Variants in SCAI observed in about 807,000 individuals in gnomAD.
The protein encoded by SCAI is suppressor of cancer cell invasion, also known as protein SCAI.
In SCAI, 24 loss-of-function variants were observed where a neutral mutation model predicts 92.2. The ratio of observed to expected loss-of-function variants is 0.26; its 90% CI spans 0.19 to 0.37. SCAI has a LOEUF of 0.37. SCAI is among the 10% of genes least tolerant of loss of function. The pLI is 1.00. For synonymous variants in SCAI, 261 were observed against 258.6 expected (o/e 1.01, Z -0.09); for missense variants, 450 against 736.2 (o/e 0.61, Z 4.50).
At chr9:125,035,708 C>T (rs1833180723) in intron 3 of SCAI, among the ~76,000 whole-genome samples, 1 of 152,196 alleles carries the variant, frequency 6.6e-6, no homozygotes, top group Non-Finnish European at 1.5e-5. Context: ...ATAATACTAT[C>T]ATCTATGATC....
chr9:124,968,985 A>C (rs1588122865), intron 17 of SCAI: 1 of 363,126 alleles, frequency 2.8e-6, no homozygotes, highest in Non-Finnish European at 5.1e-6. Flanking sequence ...GGAACTGCAC[A>C]GTTGGCCCAT....
chr9:125,018,080 A>G (rs1033076003), intron 9 of SCAI, among the ~76,000 whole-genome samples: 1 of 151,894 alleles, frequency 6.6e-6, no homozygotes, highest in Admixed American at 6.6e-5. Context: ...GGACATATAC[A>G]TTTTGGAAAC....
At chr9:125,041,189 AT>A (rs1833312448) in intron 3 of SCAI, among the ~76,000 whole-genome samples, 1 of 152,220 alleles carries the variant, frequency 6.6e-6, no homozygotes, top group African/African-American at 2.4e-5. Context: ...ATAAGCTGAA[AT>A]TCATTTCAGA....
In SCAI at chr9:124,980,475, C is replaced by A. The variant is rs919075711; in HGVS notation, c.1327-4289G>T. ...TTAGCAGAACTGATAAAGAGTGGCT[C>A]GCTGTCCCTAGAATGTGCAAACAAG... On this transcript the variant is annotated intron_variant, in intron 14 of 17. Transcript: ENST00000336505. Among the ~76,000 whole-genome samples the A allele has an allele frequency of 3.3e-5, 5 of 152,210 alleles. No individual in the cohort carries two copies. In the East Asian group the frequency reaches 9.6e-4, roughly 29 times the overall value.
At chr9:124,978,252 C>T (rs1360824277) in intron 14 of SCAI, among the ~76,000 whole-genome samples, 1 of 152,074 alleles carries the variant, frequency 6.6e-6, no homozygotes, top group African/African-American at 2.4e-5. Flanking sequence ...ACCAGCCTGG[C>T]CAACATAATG....
chr9:125,066,704 C>A (rs1414885634), intron 2 of SCAI, among the ~76,000 whole-genome samples: 1 of 152,112 alleles, frequency 6.6e-6, no homozygotes, highest in Non-Finnish European at 1.5e-5. Context: ...CCGCCTGCCT[C>A]GGCCTCCCAA....
intron 6 of SCAI, among the ~76,000 whole-genome samples, chr9:125,022,505 G>A (rs1832888386): frequency 6.6e-6 from 1 of 152,120 alleles, no homozygotes; most frequent in Non-Finnish European, 1.5e-5. Context: ...TCAAACTCCT[G>A]GGCTCAAGCA....
intron 2 of SCAI, among the ~76,000 whole-genome samples, chr9:125,136,003 T>G (rs1835517482): frequency 6.7e-6 from 1 of 150,058 alleles, no homozygotes; most frequent in African/African-American, 2.4e-5. Flanking sequence ...AAAACCATAA[T>G]TCTGTCAACT....
chr9:125,121,292 G>T (rs1037761076), intron 2 of SCAI, among the ~76,000 whole-genome samples: 2 of 148,250 alleles, frequency 1.3e-5, no homozygotes, highest in Non-Finnish European at 3.0e-5. Flanking sequence ...GATGACATAC[G>T]AGATGCTGGA....
At chr9:125,143,080 C>T (rs1835707368) in intron 1 of SCAI, among the ~76,000 whole-genome samples, 1 of 150,078 alleles carries the variant, frequency 6.7e-6, no homozygotes. Flanking sequence ...CTCTCCGGGC[C>T]CGGCGACCCC....
At chr9:125,002,486 C>CTGTTTTTTTTTTTTT (rs1832380624) in intron 11 of SCAI, among the ~76,000 whole-genome samples, 1 of 62,788 alleles carries the variant, frequency 1.6e-5, no homozygotes. Context: ...GTTTTTTAGT[C>CTGTTTTTTTTTTTTT]TGTTTTTTTT....
chr9:125,115,368 C>CT (rs1835020696), intron 2 of SCAI, among the ~76,000 whole-genome samples: 1 of 77,426 alleles, frequency 1.3e-5, no homozygotes, highest in African/African-American at 6.2e-5. Context: ...CGAGACTCTC[C>CT]TCAAAAAAAA....
At chr9:125,088,771 C>G (rs1415620415) in intron 2 of SCAI, among the ~76,000 whole-genome samples, 2 of 152,072 alleles carry the variant, frequency 1.3e-5, no homozygotes, top group African/African-American at 4.8e-5. Flanking sequence ...AACCACCATG[C>G]CTGGATGTAT....
chr9:125,037,958 T>A (rs1293324150), intron 3 of SCAI, among the ~76,000 whole-genome samples: 2 of 151,600 alleles, frequency 1.3e-5, no homozygotes, highest in Non-Finnish European at 2.9e-5. Context: ...TTTGGGGCCA[T>A]CAAAATAAGA....
chr9:125,004,421 C>T (rs1588145330), intron 9 of SCAI, among the ~76,000 whole-genome samples: 1 of 151,272 alleles, frequency 6.6e-6, no homozygotes, highest in Non-Finnish European at 1.5e-5. Context: ...ATCTGCCTCC[C>T]GTGTTCAAAC....
intron 2 of SCAI, among the ~76,000 whole-genome samples, chr9:125,123,299 G>T (rs1325443039): frequency 6.7e-6 from 1 of 150,120 alleles, no homozygotes; most frequent in Non-Finnish European, 1.5e-5. Context: ...GGAGATGGAG[G>T]TTGCAGTGGG....
At chr9:125,083,568 C>T (rs141271798) in intron 2 of SCAI, among the ~76,000 whole-genome samples, 568 of 151,314 alleles carry the variant, frequency 3.8e-3, no homozygotes, top group Non-Finnish European at 6.3e-3. Context: ...TTGCCTTCTG[C>T]CATGATTTTG....
In SCAI at chr9:124,952,890, G is replaced by T. The variant is rs200979758; in HGVS notation, c.1738C>A (p.His580Asn). The change falls in exon 18 of 18, where the codon CAT (histidine) becomes AAT (asparagine). Residue 580 changes from histidine (H) to asparagine (N), a missense_variant. His to Asn is a moderately conservative substitution (Grantham distance 68, BLOSUM62 1). Around this residue, in one of 3 missense-constraint regions of SCAI, gnomAD observed 360 missense variants for 601.8 expected, o/e 0.60. Coordinates refer to ENST00000336505, the MANE Select transcript of SCAI (RefSeq NM_001144877.3). ...AATTCCAAAATGTGCTTCTGGAGATGAGGATTCTCCACTGTTTCATCCCTT... is the reference window on the plus strand; with the variant it reads ...AATTCCAAAATGTGCTTCTGGAGATTAGGATTCTCCACTGTTTCATCCCTT... ...LPRDETVENP[H>N]LQKHILELAS... The T allele has an allele frequency of 1.5e-4, 238 of 1,611,314 alleles. No individual in the cohort carries two copies. Among genetic ancestry groups the T allele is most frequent in the Non-Finnish European group, 1.9e-4 (229 of 1,177,596 alleles).
At chr9:125,117,120 C>G (rs984147135) in intron 2 of SCAI, among the ~76,000 whole-genome samples, 1 of 152,102 alleles carries the variant, frequency 6.6e-6, no homozygotes, top group Non-Finnish European at 1.5e-5. Context: ...AACTACTTAT[C>G]CATCATCTCC....
Sources: gnomAD v4.1 joint callset for allele counts (sites outside exome capture counted in the v4.1 genomes callset) on GRCh38, gnomAD v4.1.1 for gene constraint, gnomAD v4.1.1 regional missense constraint, MANE v1.5 for transcripts, NCBI Gene and HGNC (gene_info 2026-07-23, HGNC 2026-07-21) for gene names.